Variants in RASSF3 observed in about 807,000 individuals in gnomAD.
The protein encoded by RASSF3 is Ras association domain family member 3, also known as ras association domain-containing protein 3.
In RASSF3, 19 loss-of-function variants were observed where a neutral mutation model predicts 19.9. The ratio of observed to expected loss-of-function variants is 0.96; its 90% CI spans 0.67 to 1.40. RASSF3 has a LOEUF of 1.40. Ranked by LOEUF, RASSF3 falls within the 40% of genes most tolerant of loss-of-function variation. The pLI is 0.00. For missense variants in RASSF3, 306 were observed against 289.8 expected (o/e 1.06, Z -0.41); for synonymous variants, 110 against 104.2 (o/e 1.06, Z -0.34).
chr12:64,683,538 G>A (rs968772859), intron 1 of RASSF3, among the ~76,000 whole-genome samples: 3 of 152,172 alleles, frequency 2.0e-5, no homozygotes, highest in African/African-American at 7.2e-5. Flanking sequence ...TCTTGGCCTG[G>A]GGATTTGTTT....
At chr12:64,570,634 CA>C (rs1349494574) in intron 2 of RASSF3, among the ~76,000 whole-genome samples, 3 of 152,150 alleles carry the variant, frequency 2.0e-5, no homozygotes, top group Non-Finnish European at 4.4e-5. Context: ...ATCCAGCAGC[CA>C]AAAACAAAGG....
At chr12:64,513,305 C>T (rs1278714766) in intron 1 of RASSF3, among the ~76,000 whole-genome samples, 1 of 151,838 alleles carries the variant, frequency 6.6e-6, no homozygotes, top group Non-Finnish European at 1.5e-5. Context: ...CAAAAAGTAG[C>T]CAGTCATGGT....
downstream of RASSF3, among the ~76,000 whole-genome samples, chr12:64,544,952 C>T (rs185567680): frequency 1.3e-5 from 2 of 152,258 alleles, no homozygotes; most frequent in Non-Finnish European, 2.9e-5. Flanking sequence ...ATGCTAAATT[C>T]CCATTCAACT....
chr12:64,677,375 C>T (rs1279657639), intron 1 of RASSF3, among the ~76,000 whole-genome samples: 2 of 152,222 alleles, frequency 1.3e-5, no homozygotes, highest in African/African-American at 4.8e-5. Flanking sequence ...CTCAATACCT[C>T]TGCCTACTTT....
At chr12:64,551,589 A>G (rs1436895160) in intron 2 of RASSF3, among the ~76,000 whole-genome samples, 9 of 152,188 alleles carry the variant, frequency 5.9e-5, no homozygotes, top group Non-Finnish European at 7.4e-5. Context: ...AATAATATGC[A>G]TGTAGTAAAT....
Position 64,624,791 on chromosome 12 carries a change from T to C in RASSF3, c.111+14048T>C, listed in dbSNP as rs555166920. Among the ~76,000 whole-genome samples the C allele has an allele frequency of 2.6e-5, 4 of 152,024 alleles. No individual in the cohort carries two copies. The East Asian group carries it at 7.7e-4, about 29-fold the overall frequency. ...CTCCTGCCTCAGCATCCCGAGTAGC[T>C]GGAACTACAGGCGCCTACCACCACC... On this transcript the variant is annotated intron_variant, in intron 1 of 4. Transcript: ENST00000542104.
intron 1 of RASSF3, among the ~76,000 whole-genome samples, chr12:64,651,321 A>G (rs920540310): frequency 1.3e-5 from 2 of 152,184 alleles, no homozygotes; most frequent in Admixed American, 6.6e-5. Flanking sequence ...GTATGTTAAC[A>G]TATGTTAAGA....
In RASSF3 at chr12:64,684,005, A is replaced by T. The variant is rs1243865156; in HGVS notation, c.112-782A>T. 2.9e-4 allele frequency among the ~76,000 whole-genome samples: 24 copies of T among 82,590 alleles called. 1 individual carries two copies. The highest frequency in any genetic ancestry group is 8.7e-4 in the African/African-American group (22 of 25,152). 54.2% of individuals were successfully genotyped at this position (82,590 alleles called of 152,430 possible). A position where few individuals can be genotyped will look rare whatever the true frequency, so the allele number is the denominator to read the frequency against. On this transcript the variant is annotated intron_variant, in intron 1 of 4. Coordinates refer to ENST00000542104, the MANE Select transcript of RASSF3 (RefSeq NM_178169.4). ...GGGAGAGAAGGAGAGAGAGAGAGAG[A>T]GAGAGTGAGTGTGTGTGTGTGTGTG...
rs563792189 is a variant in RASSF3 at position 64,515,682 on chromosome 12, A to C, written c.169+8353A>C. 4.6e-5 allele frequency: 7 copies of C among 152,122 alleles called. No homozygotes were observed. In the East Asian group the frequency reaches 1.4e-3, roughly 29 times the overall value. 9.4% of individuals were successfully genotyped at this position (152,122 alleles called of 1,614,324 possible). ...TAAAGTGCTTTGGAGTGGGCTTTTA[A>C]AATTATTTATTTGTTTGTTTGTTTA... On this transcript the variant is annotated intron_variant, in intron 1 of 5. Transcript: ENST00000637125.
At chr12:64,582,095 C>G (rs7310490) in intron 2 of RASSF3, among the ~76,000 whole-genome samples, 5,348 of 152,184 alleles carry the variant, frequency 0.035, 329 homozygotes, top group African/African-American at 0.12. Context: ...ACAAGTGATC[C>G]TCTCACCTCG....
chr12:64,694,177 G>GGGAGAGTCTTGCAGT (rs1286415661), intron 4 of RASSF3, among the ~76,000 whole-genome samples: 3 of 152,132 alleles, frequency 2.0e-5, no homozygotes, highest in African/African-American at 7.2e-5. Context: ...TTCTAAGCAG[G>GGGAGAGTCTTGCAGT]GGAGAGTCTT....
At chr12:64,676,772 CTT>C (rs1347528750) in intron 1 of RASSF3, among the ~76,000 whole-genome samples, 10 of 129,030 alleles carry the variant, frequency 7.8e-5, no homozygotes, top group African/African-American at 5.7e-5. Context: ...CACCTGGCCA[CTT>C]TTTTTTTTTT....
chr12:64,687,903 C>T (rs895064262), intron 2 of RASSF3, among the ~76,000 whole-genome samples: 2 of 152,140 alleles, frequency 1.3e-5, no homozygotes, highest in African/African-American at 2.4e-5. Flanking sequence ...ATTGTAACCT[C>T]GCAAATGGAC....
intron 1 of RASSF3, among the ~76,000 whole-genome samples, chr12:64,683,802 A>G (rs1873224678): frequency 6.6e-6 from 1 of 152,194 alleles, no homozygotes; most frequent in Admixed American, 6.5e-5. Context: ...CAGAAGGGAA[A>G]TTTAGCAATG....
chr12:64,539,218 A>G (rs1216037027), intron 1 of RASSF3, among the ~76,000 whole-genome samples: 1 of 152,156 alleles, frequency 6.6e-6, no homozygotes, highest in East Asian at 1.9e-4. Flanking sequence ...ATAACATGGC[A>G]GAGGGCATCA....
chr12:64,586,708 A>G (rs1869809769), intron 2 of RASSF3, among the ~76,000 whole-genome samples: 1 of 151,988 alleles, frequency 6.6e-6, no homozygotes, highest in Non-Finnish European at 1.5e-5. Context: ...AGATCACTTG[A>G]GGTCAGGAGT....
chr12:64,562,288 G>A (rs1405053444), intron 2 of RASSF3, among the ~76,000 whole-genome samples: 3 of 152,108 alleles, frequency 2.0e-5, no homozygotes, highest in Admixed American at 6.6e-5. Context: ...TTATCCGCCC[G>A]CCTCGGCCTC....
At chr12:64,601,379 A>G (rs1027178121) in intron 2 of RASSF3, among the ~76,000 whole-genome samples, 8 of 152,212 alleles carry the variant, frequency 5.3e-5, no homozygotes, top group Admixed American at 3.9e-4. Context: ...ATTGTTCGTG[A>G]GAGTCTGCTT....
chr12:64,510,090 CAAAAA>C (rs67684990), intron 1 of RASSF3, among the ~76,000 whole-genome samples: 1 of 107,250 alleles, frequency 9.3e-6, no homozygotes, highest in Admixed American at 1.0e-4. Flanking sequence ...AACTCCATCT[CAAAAA>C]AAAAAAAAAA....
Sources: allele counts gnomAD v4.1 joint callset (sites outside exome capture counted in the v4.1 genomes callset), GRCh38; gene constraint gnomAD v4.1.1; transcripts MANE v1.5; gene names NCBI Gene and HGNC (gene_info 2026-07-23, HGNC 2026-07-21).